The following CA2 variants were observed in gnomAD, a reference collection of about 807,000 sequenced individuals.
CA2 encodes the protein carbonate dehydratase II.
CA2 carries 23 observed loss-of-function variants against 27.8 expected under a neutral mutation model. That is an observed-to-expected ratio of 0.83 (90% confidence interval 0.59 to 1.17). The LOEUF (loss-of-function observed/expected upper bound fraction) is 1.17, where lower values mean the gene tolerates loss of function less well. CA2 is among the 50% of genes most tolerant of loss of function. The pLI, the probability that CA2 is intolerant of heterozygous loss-of-function variation, is 0.00. For synonymous variants in CA2, 99 were observed against 114.9 expected (o/e 0.86, Z 0.88); for missense variants, 300 against 314.7 (o/e 0.95, Z 0.35).
At chr8:85,471,837 T>C (rs1369179603) in intron 2 of CA2, among the ~76,000 whole-genome samples, 3 of 152,154 alleles carry the variant, frequency 2.0e-5, no homozygotes, top group Non-Finnish European at 4.4e-5. Context: ...AGTCTAGAAT[T>C]AGAGGCTAAT....
In CA2 at chr8:85,480,799, A is replaced by G; in HGVS notation, c.*10A>G. 2 of 1,613,530 alleles carry G rather than the reference A, an allele frequency of 1.2e-6. No homozygotes were observed. The highest frequency in any genetic ancestry group is 1.1e-5 in the South Asian group (1 of 91,078). On this transcript the variant is annotated 3_prime_UTR_variant, in exon 7 of 7. Coordinates refer to ENST00000285379, the MANE Select transcript of CA2 (RefSeq NM_000067.3). ...AGCTTCCTTCAAATAAGATGGTCCC[A>G]TAGTCTGTATCCAAATAATGAATCT...
chr8:85,474,116 G>C, intron 3 of CA2: 2 of 622,942 alleles, frequency 3.2e-6, no homozygotes, highest in Non-Finnish European at 5.7e-6. Flanking sequence ...ACATTTATTT[G>C]TCTTAGAGTT....
Position 85,465,607 on chromosome 8 carries a change from T to A in CA2, c.232+138T>A, listed in dbSNP as rs181753129. 342 of 738,786 alleles carry A rather than the reference T, an allele frequency of 4.6e-4. No homozygotes were observed. In the Admixed American group the frequency reaches 7.0e-3, roughly 15 times the overall value. 45.8% of individuals were successfully genotyped at this position (738,786 alleles called of 1,614,324 possible). ...GACTCAAGGATGCCACCCTGATCAT[T>A]TTCATTAGGTCTCAGATTCTGAGAA... is the stretch of plus-strand genomic sequence containing the variant. On this transcript the variant is annotated intron_variant, in intron 2 of 6. Coordinates refer to ENST00000285379, the MANE Select transcript of CA2 (RefSeq NM_000067.3).
chr8:85,476,580 C>T (rs1373855456), intron 5 of CA2, among the ~76,000 whole-genome samples: 2 of 152,204 alleles, frequency 1.3e-5, no homozygotes, highest in African/African-American at 4.8e-5. Flanking sequence ...AACTAATTAT[C>T]TTTAGTTTCC....
At position 85,467,865 on chromosome 8, in the gene CA2, C is replaced by A. The variant is rs368241861; in HGVS notation, c.232+2396C>A. ...GAAACAGATGAAAACCACAGGGTTTCGGTAGGAGCTCCCACCCATGCCTTT... is the reference window on the plus strand; with the variant it reads ...GAAACAGATGAAAACCACAGGGTTTAGGTAGGAGCTCCCACCCATGCCTTT... On this transcript the variant is annotated intron_variant, in intron 2 of 6. Transcript: ENST00000285379. 1.7e-4 allele frequency among the ~76,000 whole-genome samples: 26 copies of A among 152,234 alleles called. No individual in the cohort carries two copies. In the South Asian group the frequency reaches 3.3e-3, roughly 19 times the overall value.
rs1563436587 is a variant in CA2, at chr8:85,480,427, T to TGTG, written c.664-243_664-242insGTG. On this transcript the variant is annotated intron_variant, in intron 6 of 6. Transcript: ENST00000285379. ...GTGCTCTACCACGCCTGTTTAATTT[T>TGTG]TGTGTGTGTGTGTGTGTGTTTTTTT... is the stretch of plus-strand genomic sequence containing the variant. Among the ~76,000 whole-genome samples, 2,194 of 141,910 alleles carry TGTG rather than the reference T, an allele frequency of 0.015. 59 individuals carry two copies. Among genetic ancestry groups the TGTG allele is most frequent in the African/African-American group, 0.055 (2,099 of 38,296 alleles). 93.1% of individuals were successfully genotyped at this position (141,910 alleles called of 152,430 possible).
At chr8:85,475,308 T>C (rs1338715455) in intron 4 of CA2, among the ~76,000 whole-genome samples, 2 of 135,824 alleles carry the variant, frequency 1.5e-5, no homozygotes, top group Non-Finnish European at 3.1e-5. Context: ...GGGGTTGAGG[T>C]TGCAGTGAGC....
chr8:85,470,367 GT>G (rs1376248348), intron 2 of CA2, among the ~76,000 whole-genome samples: 1 of 152,048 alleles, frequency 6.6e-6, no homozygotes, highest in African/African-American at 2.4e-5. Context: ...AAAATGACAT[GT>G]TTTCTGTAGA....
At chr8:85,477,043 T>C in intron 5 of CA2, 77 bp from the exon 6 acceptor site, 2 of 1,428,092 alleles carry the variant, frequency 1.4e-6, no homozygotes, top group Admixed American at 3.3e-5. Flanking sequence ...GTATACCTAT[T>C]TGTGTCTGCT....
At position 85,480,801 on chromosome 8, in the gene CA2, A is replaced by T. The variant is rs377087440; in HGVS notation, c.*12A>T. On this transcript the variant is annotated 3_prime_UTR_variant, in exon 7 of 7. Transcript: ENST00000285379. ...CTTCCTTCAAATAAGATGGTCCCAT[A>T]GTCTGTATCCAAATAATGAATCTTC... The T allele has an allele frequency of 1.2e-5, 20 of 1,613,506 alleles. No individual in the cohort carries two copies. In the African/African-American group the frequency reaches 2.7e-4, roughly 22 times the overall value.
intron 2 of CA2, 26 bp downstream of exon 2, chr8:85,465,495 T>C (rs1362892779): frequency 6.3e-7 from 1 of 1,586,774 alleles, no homozygotes; most frequent in Non-Finnish European, 8.6e-7. Context: ...ATAACTTGTG[T>C]CTTTTAGCCA....
intron 3 of CA2, 177 bp downstream of exon 3, chr8:85,473,988 C>G: frequency 1.6e-6 from 1 of 624,510 alleles, no homozygotes; most frequent in East Asian, 2.8e-5. Flanking sequence ...CTTAACGCTG[C>G]AAAACTTTCT....
intron 6 of CA2, among the ~76,000 whole-genome samples, chr8:85,479,657 T>G (rs1162511072): frequency 1.3e-5 from 2 of 152,048 alleles, no homozygotes; most frequent in African/African-American, 4.8e-5. Context: ...CTGAAACAAG[T>G]TTATAAGGGA....
In CA2 at chr8:85,480,977, C is replaced by A; in HGVS notation, c.*188C>A. ...CCAATTGTCATGCTTGACACAACTG[C>A]TGTGGCTGGTTGGTGCTTTGTTTAT... On this transcript the variant is annotated 3_prime_UTR_variant, in exon 7 of 7. Transcript: ENST00000285379. 1 of 621,002 alleles carries A rather than the reference C, an allele frequency of 1.6e-6. No individual in the cohort carries two copies. The highest frequency in any genetic ancestry group is 1.9e-5 in the South Asian group (1 of 53,710). 38.5% of individuals were successfully genotyped at this position (621,002 alleles called of 1,614,324 possible).
intron 3 of CA2, 40 bp downstream of exon 3, chr8:85,473,851 T>G (rs1811745722): frequency 9.1e-7 from 1 of 1,099,082 alleles, no homozygotes; most frequent in Non-Finnish European, 1.4e-6. Context: ...GGAAAAATGT[T>G]TATAAGTTGA....
chr8:85,477,380 C>A, intron 6 of CA2, 105 bp downstream of exon 6: 1 of 1,244,386 alleles, frequency 8.0e-7, no homozygotes, highest in Non-Finnish European at 1.2e-6. Flanking sequence ...CCTTCTCCTG[C>A]TACTTCTTGC....
At chr8:85,474,178 T>G in intron 3 of CA2, 146 bp from the exon 4 acceptor site, 1 of 729,412 alleles carries the variant, frequency 1.4e-6, no homozygotes, top group African/African-American at 1.7e-5. Flanking sequence ...TGATTAGAAT[T>G]AAAATGAAAG....
intron 2 of CA2, 150 bp downstream of exon 2, chr8:85,465,619 T>C: frequency 1.4e-6 from 1 of 720,398 alleles, no homozygotes; most frequent in Non-Finnish European, 2.4e-6. Flanking sequence ...TCATTAGGTC[T>C]CAGATTCTGA....
At chr8:85,466,655 C>T (rs1652738953) in intron 2 of CA2, among the ~76,000 whole-genome samples, 1 of 141,334 alleles carries the variant, frequency 7.1e-6, no homozygotes, top group African/African-American at 2.7e-5. Context: ...GCACCCCTCC[C>T]CAGTACACAC....
Sources: gnomAD v4.1 joint callset for allele counts (sites outside exome capture counted in the v4.1 genomes callset) on GRCh38, gnomAD v4.1.1 for gene constraint, MANE v1.5 for transcripts, NCBI Gene and HGNC (gene_info 2026-07-23, HGNC 2026-07-21) for gene names.